POLR1C: variants seen among roughly 807,000 people sequenced by gnomAD.
POLR1C encodes DNA-directed RNA polymerases I and III subunit RPAC1.
A neutral mutation model predicts 38.3 loss-of-function variants in POLR1C; 42 were observed. That is an observed-to-expected ratio of 1.10 (90% CI 0.86 to 1.42). The LOEUF (loss-of-function observed/expected upper bound fraction) is 1.42. Ranked by LOEUF, POLR1C falls within the 40% of genes most tolerant of loss-of-function variation. The pLI is 0.00. For missense variants in POLR1C, 507 were observed against 450.5 expected (o/e 1.13, Z -1.14); for synonymous variants, 163 against 163.9 (o/e 0.99, Z 0.04).
chr6:43,548,271 C>G, intron 9 of POLR1C: 1 of 1,609,520 alleles, frequency 6.2e-7, no homozygotes, highest in Non-Finnish European at 8.5e-7. Flanking sequence ...CTGTGCATGT[C>G]TTGAGAAAGC....
At chr6:43,546,261 A>G (rs1010328152) in intron 9 of POLR1C, among the ~76,000 whole-genome samples, 3 of 152,226 alleles carry the variant, frequency 2.0e-5, no homozygotes, top group African/African-American at 7.2e-5. Context: ...TAAAAAATTT[A>G]GACCAAATAA....
intron 10 of POLR1C, among the ~76,000 whole-genome samples, chr6:43,556,802 G>C (rs1762113447): frequency 6.6e-6 from 1 of 152,118 alleles, no homozygotes; most frequent in Non-Finnish European, 1.5e-5. Context: ...ATGAGTAAAT[G>C]TGGTATATCC....
intron 9 of POLR1C, chr6:43,539,550 C>A: frequency 7.2e-7 from 1 of 1,397,092 alleles, no homozygotes. Flanking sequence ...GCCTTGCCTC[C>A]GCGAGCTCCG....
intron 9 of POLR1C, chr6:43,548,150 T>C (rs963164013): frequency 9.4e-7 from 1 of 1,068,350 alleles, no homozygotes; most frequent in Admixed American, 2.5e-5. Context: ...ATATCATGGA[T>C]AATGCCATCA....
chr6:43,539,595 C>T, intron 9 of POLR1C: 1 of 1,380,588 alleles, frequency 7.2e-7, no homozygotes. Context: ...CGGCTGCGAC[C>T]CCGGCCCCGG....
downstream of POLR1C, chr6:43,533,711 C>T: frequency 2.8e-6 from 1 of 353,598 alleles, no homozygotes; most frequent in South Asian, 2.8e-5. Flanking sequence ...TGTGATCTGC[C>T]TGTGGTCCAA....
rs757119163 is a variant in POLR1C, at chr6:43,517,121, T to G, written c.12T>G (p.Ser4=). 42 of 1,614,022 alleles carry G rather than the reference T, an allele frequency of 2.6e-5. No individual in the cohort carries two copies. Among genetic ancestry groups the G allele is most frequent in the Non-Finnish European group, 3.4e-5 (40 of 1,180,008 alleles). MAA[S]QAVEEMRSRV... is the part of the protein sequence containing the mutation. ...TGGAGAGATTGAAGATGGCGGCTTC[T>G]CAGGCGGTGGAGGAAATGCGGAGCC... Residue 4 remains serine (S), a synonymous_variant, in exon 1 of 9, where the codon TCT becomes TCG. Coordinates refer to ENST00000642195, the MANE Select transcript of POLR1C (RefSeq NM_203290.4).
At chr6:43,533,975 A>C (rs774915885), downstream of POLR1C, 24 of 1,605,524 alleles carry the variant, frequency 1.5e-5, no homozygotes, top group Admixed American at 3.9e-4. Flanking sequence ...CATTTTGGCT[A>C]GCATTTCTGG....
chr6:43,525,660 G>A (rs1036314516), downstream of POLR1C: 8 of 627,626 alleles, frequency 1.3e-5, no homozygotes, highest in Admixed American at 3.0e-5. Context: ...ATGCTGGTAT[G>A]GGAGACACCA....
Position 43,520,376 on chromosome 6 carries a change from C to G in POLR1C, c.604C>G (p.Leu202Val). 3 of 1,613,870 alleles carry G rather than the reference C, an allele frequency of 1.9e-6. No individual in the cohort carries two copies. The highest frequency in any genetic ancestry group is 2.5e-6 in the Non-Finnish European group (3 of 1,180,038). ...PVHDDILIAQ[L>V]RPGQEIDLLM... Reference sequence around the variant, plus strand: ...GCATGATGATATCCTCATCGCTCAGCTGCGGCCTGGCCAAGAAATTGACCT... The same window carrying G: ...GCATGATGATATCCTCATCGCTCAGGTGCGGCCTGGCCAAGAAATTGACCT... Residue 202 changes from leucine to valine, a missense_variant, in exon 6 of 9, where the codon CTG becomes GTG. Coordinates refer to ENST00000642195, the MANE Select transcript of POLR1C (RefSeq NM_203290.4).
chr6:43,557,203 G>A (rs991540921), intron 10 of POLR1C, among the ~76,000 whole-genome samples: 1 of 151,562 alleles, frequency 6.6e-6, no homozygotes, highest in Non-Finnish European at 1.5e-5. Context: ...GAGGCGGGTG[G>A]ATCACGAGGT....
At chr6:43,522,695 C>A (rs536522462), downstream of POLR1C, 5 of 496,256 alleles carry the variant, frequency 1.0e-5, no homozygotes, top group Admixed American at 4.1e-5. Flanking sequence ...CAGTCCACTT[C>A]GGCTCTCGGG....
intron 10 of POLR1C, chr6:43,553,389 C>T (rs746618680): frequency 9.3e-6 from 15 of 1,608,354 alleles, no homozygotes; most frequent in Non-Finnish European, 1.2e-5. Context: ...ATTTAGTGTT[C>T]GAAACATCTG....
At chr6:43,554,028 C>A (rs1007815972) in intron 10 of POLR1C, among the ~76,000 whole-genome samples, 23 of 152,184 alleles carry the variant, frequency 1.5e-4, no homozygotes, top group African/African-American at 5.1e-4. Flanking sequence ...GAGAAGGGTG[C>A]CATCCTTCAA....
chr6:43,560,072 G>C (rs2127743723), intron 10 of POLR1C: 1 of 1,375,962 alleles, frequency 7.3e-7, no homozygotes, highest in Non-Finnish European at 9.8e-7. Context: ...TCCCGCCTCA[G>C]CCTTCCATAG....
intron 9 of POLR1C, among the ~76,000 whole-genome samples, chr6:43,535,064 G>A (rs1012927493): frequency 5.9e-5 from 9 of 151,826 alleles, no homozygotes; most frequent in African/African-American, 2.2e-4. Flanking sequence ...AGGCTGAGGT[G>A]GGTGGATCAC....
At chr6:43,533,162 C>T (rs1031908365), downstream of POLR1C, among the ~76,000 whole-genome samples, 1 of 148,424 alleles carries the variant, frequency 6.7e-6, no homozygotes, top group Non-Finnish European at 1.5e-5. Context: ...AAAAAGGTAA[C>T]AATTGGGAAA....
downstream of POLR1C, chr6:43,524,816 G>T (rs1404186831): frequency 2.5e-6 from 4 of 1,612,392 alleles, no homozygotes; most frequent in Non-Finnish European, 3.4e-6. Context: ...CTTCCCCCAT[G>T]CCTTCCCCAC....
Position 43,520,841 on chromosome 6 carries a change from A to T in POLR1C, c.805+67A>T. 2.5e-6 allele frequency: 4 copies of T among 1,602,614 alleles called. No individual in the cohort carries two copies. The Admixed American group carries it at 6.7e-5, about 27-fold the overall frequency. On this transcript the variant is annotated intron_variant, in intron 7 of 8. Transcript: ENST00000642195. Reference sequence around the variant, plus strand: ...TATTTTCTTTCAAGGTGACAGAAATAAAAACCCTGGGCTCCTAAAAGTATA... The same window carrying T: ...TATTTTCTTTCAAGGTGACAGAAATTAAAACCCTGGGCTCCTAAAAGTATA...
Sources: allele counts gnomAD v4.1 joint callset (sites outside exome capture counted in the v4.1 genomes callset), GRCh38; gene constraint gnomAD v4.1.1; transcripts MANE v1.5; gene names NCBI Gene and HGNC (gene_info 2026-07-23, HGNC 2026-07-21).